The following CUL7 variants were observed in gnomAD, a reference collection of about 807,000 sequenced individuals.
CUL7 encodes the protein cullin 7, also known as cullin-7.
CUL7 carries 96 observed loss-of-function variants against 177.7 expected under a neutral mutation model. That is an observed-to-expected ratio of 0.54 (90% CI 0.46 to 0.64). CUL7 has a LOEUF of 0.64. Ranked by LOEUF, CUL7 falls within the 30% of genes least tolerant of loss-of-function variation. The pLI, the probability that CUL7 is intolerant of heterozygous loss-of-function variation, is 0.00. For synonymous variants in CUL7, 824 were observed against 890.2 expected, an observed-to-expected ratio of 0.93 and a Z score of 1.32; for missense variants, 1,893 against 2,187.9, an observed-to-expected ratio of 0.87 and a Z score of 2.69.
rs1458570837 is a variant in CUL7 at position 43,050,907 on chromosome 6, C to T, written c.1233+61G>A. Reference sequence around the variant, plus strand: ...TGCTGGAGCCCCCCCATATAGAAGTCCCAGCTCTGCCCTACCCCAAATAGA... The same window carrying T: ...TGCTGGAGCCCCCCCATATAGAAGTTCCAGCTCTGCCCTACCCCAAATAGA... On this transcript the variant is annotated intron_variant, in intron 4 of 25. Transcript: ENST00000265348. The surrounding 1 kb of genome is among the most constrained non-coding windows in gnomAD (Gnocchi z 4.1). 2 of 1,600,560 alleles carry T rather than the reference C, an allele frequency of 1.2e-6. No individual in the cohort carries two copies. Among genetic ancestry groups the T allele is most frequent in the Non-Finnish European group, 1.7e-6 (2 of 1,173,670 alleles).
chr6:43,045,200 C>T lies in CUL7; in HGVS notation c.3038+27G>A, dbSNP rs1763786477. On this transcript the variant is annotated intron_variant, in intron 15 of 25. Transcript: ENST00000265348. This position sits in a 1 kb window ranked among gnomAD's most constrained non-coding sequence, Gnocchi z 4.8. ...AATAGCCTTACCTTTCCCACAGACACAAGCATACACGCACACTCTCACACA... is the reference window on the plus strand; with the variant it reads ...AATAGCCTTACCTTTCCCACAGACATAAGCATACACGCACACTCTCACACA... 1.9e-6 allele frequency: 3 copies of T among 1,608,360 alleles called. No individual in the cohort carries two copies. Among genetic ancestry groups the T allele is most frequent in the Admixed American group, 1.7e-5 (1 of 58,666 alleles).
rs1362569614 is a variant in CUL7, at chr6:43,048,489, G to A, written c.1906C>T (p.Leu636=). 2 of 1,614,128 alleles carry A rather than the reference G, an allele frequency of 1.2e-6. No individual in the cohort carries two copies. The highest frequency in any genetic ancestry group is 2.2e-5 in the South Asian group (2 of 91,080). Residue 636 remains leucine (L), a synonymous_variant, in exon 8 of 26, where the codon CTG becomes TTG. Transcript: ENST00000265348. ...GAGCTGAGGGCTTGCTCTAGATCCA[G>A]GAGGATTTTCCCAGCTGGACCATAA... ...EGYGPAGKIL[L]DLEQALSSEG... is the part of the protein sequence containing the mutation.
chr6:43,048,331 C>T lies in CUL7; in HGVS notation c.2063+1G>A. The T allele has an allele frequency of 6.2e-7, 1 of 1,606,450 alleles. No individual in the cohort carries two copies. Among genetic ancestry groups the T allele is most frequent in the Non-Finnish European group, 8.5e-7 (1 of 1,172,932 alleles). ...GATCCCACCTGTCACCATGCTCTCACCTCAGCACAGTCAGGTGCAGGGTCC... is the reference window on the plus strand; with the variant it reads ...GATCCCACCTGTCACCATGCTCTCATCTCAGCACAGTCAGGTGCAGGGTCC... On this transcript the variant is annotated splice_donor_variant, in intron 8 of 25. Coordinates refer to ENST00000265348, the MANE Select transcript of CUL7 (RefSeq NM_014780.5). LOFTEE classifies it high-confidence loss of function.
rs777288289 is a variant in CUL7, at chr6:43,046,798, G to A, written c.2397+82C>T. The A allele has an allele frequency of 3.3e-6, 4 of 1,218,182 alleles. No homozygotes were observed. In the African/African-American group the frequency reaches 6.0e-5, roughly 18 times the overall value. 75.5% of individuals were successfully genotyped at this position (1,218,182 alleles called of 1,614,324 possible). A position where few individuals can be genotyped will look rare whatever the true frequency, so the allele number is the denominator to read the frequency against. ...AGAGTCACCTGCTGTTCCCAGCCATGGGAACACAGCCCTTACCCGCCACTG... is the reference window on the plus strand; with the variant it reads ...AGAGTCACCTGCTGTTCCCAGCCATAGGAACACAGCCCTTACCCGCCACTG... On this transcript the variant is annotated intron_variant, in intron 10 of 25. Transcript: ENST00000265348.
Position 43,044,760 on chromosome 6 carries a change from G to A in CUL7, c.3164C>T (p.Thr1055Ile). ...ALVSPVVQNI[T>I]SPDEDGISPL... is the part of the protein sequence containing the mutation. Reference sequence around the variant, plus strand: ...GATGTCAGGATGGTTACCAGGGGAGGTGATGTTCTGCACCACGGGGCTGAC... The same window carrying A: ...GATGTCAGGATGGTTACCAGGGGAGATGATGTTCTGCACCACGGGGCTGAC... Residue 1055 changes from threonine to isoleucine, a missense_variant, in exon 16 of 26, where the codon ACC becomes ATC. Physicochemically the swap from Thr to Ile is moderately conservative, Grantham distance 89. This residue lies in a region of CUL7 where 973 missense variants were observed against 1,140.9 expected (regional missense o/e 0.85). Transcript: ENST00000265348. The A allele has an allele frequency of 6.2e-7, 1 of 1,610,126 alleles. No homozygotes were observed. The highest frequency in any genetic ancestry group is 8.5e-7 in the Non-Finnish European group (1 of 1,176,742).
Position 43,050,461 on chromosome 6 carries a change from C to T in CUL7, c.1234-63G>A. 6.2e-7 allele frequency: 1 copy of T among 1,602,568 alleles called. No homozygotes were observed. Among genetic ancestry groups the T allele is most frequent in the Non-Finnish European group, 8.5e-7 (1 of 1,173,426 alleles). On this transcript the variant is annotated intron_variant, in intron 4 of 25. Coordinates refer to ENST00000265348, the MANE Select transcript of CUL7 (RefSeq NM_014780.5). This position sits in a 1 kb window ranked among gnomAD's most constrained non-coding sequence, Gnocchi z 4.1. ...GGACTCACAAATGACTGGCTGTGGC[C>T]CAGTACTGAGGACTATAGCCCTCAG... is the stretch of plus-strand genomic sequence containing the variant.
rs1270980906 is a variant in CUL7 at position 43,043,826 on chromosome 6, A to G, written c.3173-196T>C. On this transcript the variant is annotated intron_variant, in intron 16 of 25. Coordinates refer to ENST00000265348, the MANE Select transcript of CUL7 (RefSeq NM_014780.5). This position sits in a 1 kb window ranked among gnomAD's most constrained non-coding sequence, Gnocchi z 4.2. ...AGAGGATCGCTTGAGGCAGGAGTTCAAGACTGGCCTGGTCAACATAGCAGG... is the reference window on the plus strand; with the variant it reads ...AGAGGATCGCTTGAGGCAGGAGTTCGAGACTGGCCTGGTCAACATAGCAGG... 2.0e-5 allele frequency among the ~76,000 whole-genome samples: 3 copies of G among 151,544 alleles called. No homozygotes were observed. Among genetic ancestry groups the G allele is most frequent in the East Asian group, 3.9e-4 (2 of 5,158 alleles).
At chr6:43,046,213 A>G in intron 12 of CUL7, 23 bp downstream of exon 12, 1 of 1,614,192 alleles carries the variant, frequency 6.2e-7, no homozygotes, top group South Asian at 1.1e-5. Context: ...GTGTGTGGCA[A>G]AGCACATGTG....
At chr6:43,041,100 A>G in intron 19 of CUL7, 25 bp from the exon 20 acceptor site, 13 of 1,612,858 alleles carry the variant, frequency 8.1e-6, no homozygotes, top group Non-Finnish European at 8.5e-6. Context: ...AGCACAGGAA[A>G]GCCATGAATG....
At position 43,052,630 on chromosome 6, in the gene CUL7, C is replaced by T. The variant is rs146118606; in HGVS notation, c.159G>A (p.Gly53=). The change falls in exon 2 of 26, where the codon GGG becomes GGA. Residue 53 remains glycine, a synonymous_variant. Transcript: ENST00000265348. The surrounding 1 kb of genome is among the most constrained non-coding windows in gnomAD (Gnocchi z 4.5). ...LILRRGDEGD[G]GSGQVDCKAE... The stretch of plus-strand genomic sequence containing the variant: ...CCTTGCAGTCCACTTGGCCAGAGCC[C>T]CCGTCCCCCTCATCGCCACGCCGCA... 1.1e-5 allele frequency: 18 copies of T among 1,614,250 alleles called. No homozygotes were observed. In the African/African-American group the frequency reaches 2.0e-4, roughly 18 times the overall value.
Position 43,043,421 on chromosome 6 carries a change from CT to C in CUL7, c.3355+26del. 1 of 1,611,526 alleles carries C rather than the reference CT, an allele frequency of 6.2e-7. No individual in the cohort carries two copies. Among genetic ancestry groups the C allele is most frequent in the Non-Finnish European group, 8.5e-7 (1 of 1,178,478 alleles). The stretch of plus-strand genomic sequence containing the variant: ...CCCAGGAAAACGCTCCTGACTAGAG[CT>C]CCCCACCTGAATCTCCACTACTCAC... On this transcript the variant is annotated intron_variant, in intron 17 of 25. Transcript: ENST00000265348. The surrounding 1 kb of genome is among the most constrained non-coding windows in gnomAD (Gnocchi z 4.2).
In CUL7 at chr6:43,040,212, C is replaced by T. The variant is rs767107754; in HGVS notation, c.4238G>A (p.Cys1413Tyr). Reference protein sequence around the residue: ...SICHTLNPRTCLPSYLRGTLN... With the variant: ...SICHTLNPRTYLPSYLRGTLN... The stretch of plus-strand genomic sequence containing the variant: ...AGTGCCCCTCAGGTAGGAGGGCAGG[C>T]AGGTTCTGGGGTTCAGTGTGTGGCA... Residue 1413 changes from cysteine to tyrosine, a missense_variant, in exon 22 of 26, where the codon TGC becomes TAC. Cys to Tyr is a radical substitution (Grantham distance 194). This residue lies in a region of CUL7 where 973 missense variants were observed against 1,140.9 expected (regional missense o/e 0.85). Coordinates refer to ENST00000265348, the MANE Select transcript of CUL7 (RefSeq NM_014780.5). The surrounding 1 kb of genome is among the most constrained non-coding windows in gnomAD (Gnocchi z 4.2). The T allele has an allele frequency of 6.2e-7, 1 of 1,614,200 alleles. No homozygotes were observed. Among genetic ancestry groups the T allele is most frequent in the Non-Finnish European group, 8.5e-7 (1 of 1,180,042 alleles).
chr6:43,044,973 C>T, intron 15 of CUL7, 88 bp from the exon 16 acceptor site: 2 of 1,569,220 alleles, frequency 1.3e-6, no homozygotes, highest in Non-Finnish European at 8.7e-7. Flanking sequence ...GCCAGCTAAC[C>T]CCAGCACCCA....
rs1282774776 is a variant in CUL7, at chr6:43,040,160, G to A, written c.4290C>T (p.Asn1430=). ...GTLNRYSNFY[N]KSQSHPALER... ...TCCCTCTGCCTGGCTGCTCACTCTT[G>A]TTGTAGAAGTTGGAGTATCTGTTCA... is the stretch of plus-strand genomic sequence containing the variant. Residue 1430 remains asparagine (N), a synonymous_variant, in exon 22 of 26, where the codon AAC becomes AAT. Coordinates refer to ENST00000265348, the MANE Select transcript of CUL7 (RefSeq NM_014780.5). The surrounding 1 kb of genome is among the most constrained non-coding windows in gnomAD (Gnocchi z 4.2). 2 of 1,614,106 alleles carry A rather than the reference G, an allele frequency of 1.2e-6. No individual in the cohort carries two copies. The highest frequency in any genetic ancestry group is 3.3e-5 in the Admixed American group (2 of 60,016).
chr6:43,053,308 G>T lies in CUL7; in HGVS notation c.-9+314C>A, dbSNP rs1764600258. On this transcript the variant is annotated intron_variant, in intron 1 of 25. Coordinates refer to ENST00000265348, the MANE Select transcript of CUL7 (RefSeq NM_014780.5). This position sits in a 1 kb window ranked among gnomAD's most constrained non-coding sequence, Gnocchi z 4.1. ...ACTGGTGGTGGAGTGGGAGGGCAAGGCGCGATGGACTAGGAGGAGGCACTG... is the reference window on the plus strand; with the variant it reads ...ACTGGTGGTGGAGTGGGAGGGCAAGTCGCGATGGACTAGGAGGAGGCACTG... Among the ~76,000 whole-genome samples the T allele has an allele frequency of 6.6e-6, 1 of 152,116 alleles. No individual in the cohort carries two copies. Among genetic ancestry groups the T allele is most frequent in the African/African-American group, 2.4e-5 (1 of 41,414 alleles).
rs1404845503 is a variant in CUL7, at chr6:43,053,761, C to T, written c.-148G>A. 2.6e-6 allele frequency: 4 copies of T among 1,509,586 alleles called. No homozygotes were observed. The highest frequency in any genetic ancestry group is 4.1e-5 in the Admixed American group (2 of 48,394). 93.5% of individuals were successfully genotyped at this position (1,509,586 alleles called of 1,614,324 possible). A position where few individuals can be genotyped will look rare whatever the true frequency, so the allele number is the denominator to read the frequency against. ...GGAGAGACGGGAGGGGGCGTGCCTC[C>T]GCGGAACAGAGCTGCACCCGCGTGA... On this transcript the variant is annotated 5_prime_UTR_variant, in exon 1 of 26. Transcript: ENST00000265348. The surrounding 1 kb of genome is among the most constrained non-coding windows in gnomAD (Gnocchi z 4.1).
chr6:43,038,733 G>A (rs770261483), intron 23 of CUL7, 41 bp from the exon 24 acceptor site: 17 of 1,612,790 alleles, frequency 1.1e-5, no homozygotes, highest in East Asian at 2.2e-5. Flanking sequence ...CCTCCCCAAG[G>A]AGTGGAGAGA....
intron 7 of CUL7, 26 bp from the exon 8 acceptor site, chr6:43,048,595 G>A: frequency 3.3e-6 from 5 of 1,510,246 alleles, no homozygotes; most frequent in Non-Finnish European, 4.6e-6. Flanking sequence ...AGTCACAGGA[G>A]TTGGCCATTG....
rs749920768 is a variant in CUL7, at chr6:43,053,176, G to A, written c.-8-380C>T. Among the ~76,000 whole-genome samples, 58 of 152,320 alleles carry A rather than the reference G, an allele frequency of 3.8e-4. No homozygotes were observed. Among genetic ancestry groups the A allele is most frequent in the Admixed American group, 9.8e-4 (15 of 15,296 alleles). On this transcript the variant is annotated intron_variant, in intron 1 of 25. Coordinates refer to ENST00000265348, the MANE Select transcript of CUL7 (RefSeq NM_014780.5). The surrounding 1 kb of genome is among the most constrained non-coding windows in gnomAD (Gnocchi z 4.1). Reference sequence around the variant, plus strand: ...AGCCCAGAGGGGTATGTTTGGGAGGGAGATCGTGAGTGTGTGTGAAAAGGG... The same window carrying A: ...AGCCCAGAGGGGTATGTTTGGGAGGAAGATCGTGAGTGTGTGTGAAAAGGG...
Sources: allele counts gnomAD v4.1 joint callset (sites outside exome capture counted in the v4.1 genomes callset), GRCh38; gene constraint gnomAD v4.1.1; regional missense constraint gnomAD v4.1.1; non-coding constraint Gnocchi (gnomAD v3.1); transcripts MANE v1.5; gene names NCBI Gene and HGNC (gene_info 2026-07-23, HGNC 2026-07-21).